DCUN1D2: variants seen among roughly 807,000 people sequenced by gnomAD.
The protein encoded by DCUN1D2 is defective in cullin neddylation 1 domain containing 2.
A neutral mutation model predicts 30.9 loss-of-function variants in DCUN1D2; 29 were observed. The observed-to-expected ratio is 0.94, with a 90% confidence interval of 0.70 to 1.28. The LOEUF (loss-of-function observed/expected upper bound fraction) is 1.28. DCUN1D2 is among the 50% of genes most tolerant of loss of function. DCUN1D2 has a pLI of 0.00. For synonymous variants in DCUN1D2, 121 were observed against 115.3 expected (o/e 1.05, Z -0.32); for missense variants, 325 against 316.9 (o/e 1.03, Z -0.19).
intron 3 of DCUN1D2, among the ~76,000 whole-genome samples, chr13:113,476,397 G>A (rs573722619): frequency 6.6e-6 from 1 of 152,246 alleles, no homozygotes; most frequent in Admixed American, 6.5e-5. Context: ...ATTTCACTGT[G>A]GTTTTCACCT....
chr13:113,490,457 G>A lies in DCUN1D2; in HGVS notation c.3+210C>T. Reference sequence around the variant, plus strand: ...CTCCCGGTCGTCCCTCGCGGCTCCGGGTCAAACCCGCGCTCCCCGCGGTCC... The same window carrying A: ...CTCCCGGTCGTCCCTCGCGGCTCCGAGTCAAACCCGCGCTCCCCGCGGTCC... On this transcript the variant is annotated intron_variant, in intron 1 of 6. Coordinates refer to ENST00000478244, the MANE Select transcript of DCUN1D2 (RefSeq NM_001014283.2). The surrounding 1 kb of genome is among the most constrained non-coding windows in gnomAD (Gnocchi z 5.2). 1 of 460,536 alleles carries A rather than the reference G, an allele frequency of 2.2e-6. No individual in the cohort carries two copies. The highest frequency in any genetic ancestry group is 3.5e-6 in the Non-Finnish European group (1 of 285,936). The allele number at this position is 460,536 out of a possible 1,614,324, so 28.5% of individuals were successfully genotyped here.
In DCUN1D2 at chr13:113,487,863, T is replaced by TA. The variant is rs765487500; in HGVS notation, c.3+2803dup. Among the ~76,000 whole-genome samples, 4 of 152,310 alleles carry TA rather than the reference T, an allele frequency of 2.6e-5. No homozygotes were observed. In the East Asian group the frequency reaches 7.7e-4, roughly 29 times the overall value. ...AATTTTATGTTATATGAATTTCACC[T>TA]AAAAAAATTCAACATTGTACCCTCA... is the stretch of plus-strand genomic sequence containing the variant. On this transcript the variant is annotated intron_variant, in intron 1 of 6. Transcript: ENST00000478244.
chr13:113,468,612 A>C lies in DCUN1D2; in HGVS notation c.520+5512T>G, dbSNP rs76117395. On this transcript the variant is annotated intron_variant, in intron 4 of 6. Transcript: ENST00000478244. ...ACGCGAGACGTGCCACGCTCCATCA[A>C]CCTCTCCTTCAGACAAGCGGCCTAT... Among the ~76,000 whole-genome samples, 1,221 of 149,370 alleles carry C rather than the reference A, an allele frequency of 8.2e-3. 43 individuals carry two copies. The East Asian group carries it at 0.12, about 15-fold the overall frequency.
At chr13:113,465,737 G>C (rs2044391705) in intron 4 of DCUN1D2, among the ~76,000 whole-genome samples, 1 of 150,510 alleles carries the variant, frequency 6.6e-6, no homozygotes, top group South Asian at 2.1e-4. Flanking sequence ...TGCAATCTCA[G>C]CTCACTGCAG....
chr13:113,461,649 A>G (rs1385194294), intron 4 of DCUN1D2, among the ~76,000 whole-genome samples: 2 of 152,230 alleles, frequency 1.3e-5, no homozygotes, highest in Non-Finnish European at 2.9e-5. Flanking sequence ...ATTTGTCCCT[A>G]AAGTGTCAAG....
intron 4 of DCUN1D2, 116 bp downstream of exon 4, chr13:113,474,008 A>T: frequency 1.4e-6 from 2 of 1,381,520 alleles, no homozygotes; most frequent in South Asian, 2.7e-5. Flanking sequence ...GTATCTCCAA[A>T]AAACCAAACC....
chr13:113,473,204 G>A (rs2044555040), intron 4 of DCUN1D2, among the ~76,000 whole-genome samples: 1 of 149,480 alleles, frequency 6.7e-6, no homozygotes, highest in Non-Finnish European at 1.5e-5. Flanking sequence ...CTGCCCTTCT[G>A]TGCCTGCATT....
intron 2 of DCUN1D2, among the ~76,000 whole-genome samples, chr13:113,481,497 A>G (rs2044706855): frequency 6.6e-6 from 1 of 152,246 alleles, no homozygotes; most frequent in Admixed American, 6.5e-5. Flanking sequence ...CTGCTCAAAG[A>G]AAGATTAGGT....
chr13:113,465,481 T>G (rs2044385706), intron 4 of DCUN1D2, among the ~76,000 whole-genome samples: 2 of 148,128 alleles, frequency 1.4e-5, no homozygotes, highest in Admixed American at 6.8e-5. Context: ...AAAACTGGGG[T>G]GAGGAAACAG....
chr13:113,472,181 G>A (rs938421317), intron 4 of DCUN1D2, among the ~76,000 whole-genome samples: 7 of 152,184 alleles, frequency 4.6e-5, no homozygotes, highest in South Asian at 2.1e-4. Context: ...ACCTGTGCCC[G>A]TGAGAACCAG....
chr13:113,474,417 A>C (rs1247152436), intron 3 of DCUN1D2, among the ~76,000 whole-genome samples, 163 bp from the exon 4 acceptor site: 1 of 152,194 alleles, frequency 6.6e-6, no homozygotes, highest in African/African-American at 2.4e-5. Context: ...GTGATGATGT[A>C]AGAGAAGATG....
chr13:113,470,700 GACCCAACTCCACAGAAT>G (rs1362829145), intron 4 of DCUN1D2, among the ~76,000 whole-genome samples: 4 of 148,526 alleles, frequency 2.7e-5, no homozygotes, highest in Non-Finnish European at 5.9e-5. Flanking sequence ...CTCCACAGGG[GACCCAACTCCACAGAAT>G]ACCCAACTCC....
chr13:113,461,473 T>C (rs1159323274), intron 4 of DCUN1D2, among the ~76,000 whole-genome samples: 1 of 152,222 alleles, frequency 6.6e-6, no homozygotes, highest in African/African-American at 2.4e-5. Flanking sequence ...ATGCGTATCA[T>C]TTGTTTTTAA....
At chr13:113,465,715 G>T (rs2044391405) in intron 4 of DCUN1D2, among the ~76,000 whole-genome samples, 2 of 150,230 alleles carry the variant, frequency 1.3e-5, no homozygotes, top group African/African-American at 2.4e-5. Context: ...CGCCCAGGCT[G>T]GAGTGCAGTG....
intron 2 of DCUN1D2, among the ~76,000 whole-genome samples, chr13:113,483,617 C>G (rs2044747403): frequency 6.6e-6 from 1 of 152,240 alleles, no homozygotes; most frequent in Non-Finnish European, 1.5e-5. Flanking sequence ...TGCCCCATCG[C>G]TGACTCCACT....
At position 113,483,853 on chromosome 13, in the gene DCUN1D2, G is replaced by GTACAGCCGC. The variant is rs2044753612; in HGVS notation, c.198_206dup (p.Leu68_Tyr69insTer). ...GTCTCCTCTTACCTTTGTACCTGCC[G>GTACAGCCGC]TACAGCCGCTCCAGCTTCTTCTTGT... is the stretch of plus-strand genomic sequence containing the variant. On this transcript the variant is annotated stop_gained, in exon 2 of 7. Coordinates refer to ENST00000478244, the MANE Select transcript of DCUN1D2 (RefSeq NM_001014283.2). LOFTEE classifies it high-confidence loss of function. 6 of 1,612,284 alleles carry GTACAGCCGC rather than the reference G, an allele frequency of 3.7e-6. No homozygotes were observed. The Admixed American group carries it at 5.0e-5, about 13-fold the overall frequency.
chr13:113,491,254 G>GC (rs1231533419), upstream of DCUN1D2: 1 of 152,320 alleles, frequency 6.6e-6, no homozygotes, highest in African/African-American at 2.4e-5. Flanking sequence ...GGACGGGCGG[G>GC]CGCGGATCCC....
At chr13:113,474,693 G>A (rs1028359418) in intron 3 of DCUN1D2, among the ~76,000 whole-genome samples, 2 of 152,140 alleles carry the variant, frequency 1.3e-5, no homozygotes, top group African/African-American at 2.4e-5. Flanking sequence ...GCCCTGCGGT[G>A]ACAGGGCATG....
At chr13:113,490,973 A>C (rs1028883889), upstream of DCUN1D2, 3 of 187,530 alleles carry the variant, frequency 1.6e-5, no homozygotes, top group African/African-American at 7.1e-5. This position sits in a 1 kb window ranked among gnomAD's most constrained non-coding sequence, Gnocchi z 5.2. Flanking sequence ...GGCCGACGGG[A>C]CCCGCCCACG....
Sources: allele counts gnomAD v4.1 joint callset (sites outside exome capture counted in the v4.1 genomes callset), GRCh38; gene constraint gnomAD v4.1.1; non-coding constraint Gnocchi (gnomAD v3.1); transcripts MANE v1.5; gene names NCBI Gene and HGNC (gene_info 2026-07-23, HGNC 2026-07-21).